Variants in ZNF740 observed in about 807,000 individuals in gnomAD.
ZNF740 encodes the protein oriLyt TD-element-binding protein 7.
Under a neutral mutation model 24.8 loss-of-function variants are expected in ZNF740, and 14 were observed. The ratio of observed to expected loss-of-function variants is 0.56; its 90% CI spans 0.37 to 0.88. The LOEUF is 0.88. Ranked by LOEUF, ZNF740 falls within the 40% of genes least tolerant of loss-of-function variation. The pLI is 0.00. For synonymous variants in ZNF740, 69 were observed against 84.0 expected (o/e 0.82, Z 0.98); for missense variants, 201 against 247.9 (o/e 0.81, Z 1.27).
rs1284395244 is a variant in ZNF740 at position 53,184,924 on chromosome 12, G to T, written c.43G>T (p.Val15Leu). 10 of 1,613,828 alleles carry T rather than the reference G, an allele frequency of 6.2e-6. No individual in the cohort carries two copies. Among genetic ancestry groups the T allele is most frequent in the South Asian group, 1.1e-5 (1 of 91,050 alleles). ...SLLACEGLAG[V>L]SLVPTAASKK... ...CCTGGCTTGTGAAGGCCTAGCAGGT[G>T]TGAGTTTGGTTCCCACTGCAGCCAG... The change falls in exon 3 of 7, where the codon GTG (valine) becomes TTG (leucine). Residue 15 changes from valine (V) to leucine (L), a missense_variant. Val to Leu is a conservative substitution (Grantham distance 32, BLOSUM62 1). Coordinates refer to ENST00000416904, the MANE Select transcript of ZNF740 (RefSeq NM_001004304.4).
In ZNF740 at chr12:53,188,522, CT is replaced by C. The variant is rs1941866976; in HGVS notation, c.*934del. ...TGGAAGTCAAAGTGGGTTCTCTCTC[CT>C]TGTGCCCTCTTAGGAACAACCCAAG... On this transcript the variant is annotated 3_prime_UTR_variant, in exon 7 of 7. Coordinates refer to ENST00000416904, the MANE Select transcript of ZNF740 (RefSeq NM_001004304.4). 6.6e-6 allele frequency: 1 copy of C among 152,618 alleles called. No individual in the cohort carries two copies. Among genetic ancestry groups the C allele is most frequent in the African/African-American group, 2.4e-5 (1 of 41,442 alleles). The allele number at this position is 152,618 out of a possible 1,614,324, so 9.5% of individuals were successfully genotyped here.
Position 53,192,189 on chromosome 12 carries a change from C to A in ZNF740, c.*4599C>A. The A allele has an allele frequency of 8.4e-7, 1 of 1,189,348 alleles. No individual in the cohort carries two copies. The allele number at this position is 1,189,348 out of a possible 1,614,324, so 73.7% of individuals were successfully genotyped here. A position where few individuals can be genotyped will look rare whatever the true frequency, so the allele number is the denominator to read the frequency against. Reference sequence around the variant, plus strand: ...CCAGGGCCTTAGCCTCGTCCACTTGCTCAATTGCCTCTGCCTTTGTCCTGG... The same window carrying A: ...CCAGGGCCTTAGCCTCGTCCACTTGATCAATTGCCTCTGCCTTTGTCCTGG... On this transcript the variant is annotated 3_prime_UTR_variant, in exon 7 of 7. Transcript: ENST00000416904.
intron 2 of ZNF740, among the ~76,000 whole-genome samples, chr12:53,183,478 C>T (rs1048159885): frequency 6.6e-6 from 1 of 152,078 alleles, no homozygotes; most frequent in Non-Finnish European, 1.5e-5. Context: ...TGCTGACCAA[C>T]GATTTCTTAA....
chr12:53,194,119 A>G lies in ZNF740; in HGVS notation c.*6529A>G. Reference sequence around the variant, plus strand: ...TCTCATGTCACTCCCTGTACCTGCCACCCATCTTTTCCTGCCTGCTTAATT... The same window carrying G: ...TCTCATGTCACTCCCTGTACCTGCCGCCCATCTTTTCCTGCCTGCTTAATT... On this transcript the variant is annotated 3_prime_UTR_variant, in exon 7 of 7. Coordinates refer to ENST00000416904, the MANE Select transcript of ZNF740 (RefSeq NM_001004304.4). The G allele has an allele frequency of 6.3e-7, 1 of 1,583,708 alleles. No individual in the cohort carries two copies. Among genetic ancestry groups the G allele is most frequent in the Admixed American group, 1.7e-5 (1 of 59,612 alleles).
In ZNF740 at chr12:53,193,943, C is replaced by T. The variant is rs375614554; in HGVS notation, c.*6353C>T. 4 of 1,549,250 alleles carry T rather than the reference C, an allele frequency of 2.6e-6. No individual in the cohort carries two copies. The highest frequency in any genetic ancestry group is 2.4e-5 in the South Asian group (2 of 84,494). On this transcript the variant is annotated 3_prime_UTR_variant, in exon 7 of 7. Transcript: ENST00000416904. ...ATCAGGCCATGGTTATACACATGCA[C>T]ACACACATACCCCAAACTCACCAAT...
chr12:53,187,473 A>G (rs1941845938), intron 6 of ZNF740, 28 bp from the exon 7 acceptor site: 2 of 1,601,138 alleles, frequency 1.2e-6, no homozygotes, highest in South Asian at 1.1e-5. Context: ...TTGTCTGCTC[A>G]GGCACTTAAC....
chr12:53,182,579 A>T (rs1279457792), intron 2 of ZNF740, among the ~76,000 whole-genome samples: 1 of 152,108 alleles, frequency 6.6e-6, no homozygotes. Context: ...GCTTGGATAG[A>T]AAAAGAAGAT....
chr12:53,184,813 G>T (rs1592387009), intron 2 of ZNF740, 78 bp from the exon 3 acceptor site: 5 of 1,506,842 alleles, frequency 3.3e-6, no homozygotes, highest in Non-Finnish European at 4.5e-6. Context: ...GGTGTAAAAG[G>T]TAGTTCTATA....
At chr12:53,184,150 T>TGTGTGTGTGTGTGTGTGCGCGC (rs59250662) in intron 2 of ZNF740, among the ~76,000 whole-genome samples, 7 of 104,424 alleles carry the variant, frequency 6.7e-5, no homozygotes, top group East Asian at 2.8e-4. Flanking sequence ...TGTGTGTGTG[T>TGTGTGTGTGTGTGTGTGCGCGC]GCGCGCGCGC....
At chr12:53,186,320 C>T in intron 5 of ZNF740, 71 bp from the exon 6 acceptor site, 1 of 1,393,804 alleles carries the variant, frequency 7.2e-7, no homozygotes, top group South Asian at 1.3e-5. Context: ...GTTAAAGTTT[C>T]TGAGAAAACT....
rs1941976811 is a variant in ZNF740, at chr12:53,192,139, G to A, written c.*4549G>A. The A allele has an allele frequency of 2.3e-6, 3 of 1,319,904 alleles. No individual in the cohort carries two copies. Among genetic ancestry groups the A allele is most frequent in the Non-Finnish European group, 3.1e-6 (3 of 967,474 alleles). The allele number at this position is 1,319,904 out of a possible 1,614,324, so 81.8% of individuals were successfully genotyped here. A position where few individuals can be genotyped will look rare whatever the true frequency, so the allele number is the denominator to read the frequency against. ...GTCACTGAAAGCAAAGGGAACCCAG[G>A]GAGGTCCAAGGTTATCCTCACCGCC... On this transcript the variant is annotated 3_prime_UTR_variant, in exon 7 of 7. Transcript: ENST00000416904.
intron 6 of ZNF740, chr12:53,186,806 C>T (rs1159014222): frequency 8.4e-6 from 2 of 239,014 alleles, no homozygotes; most frequent in African/African-American, 4.4e-5. Context: ...CCTAAGGTAG[C>T]TGTATTGTCC....
Position 53,181,835 on chromosome 12 carries a change from A to G in ZNF740, c.-149A>G. On this transcript the variant is annotated 5_prime_UTR_variant, in exon 2 of 7. Coordinates refer to ENST00000416904, the MANE Select transcript of ZNF740 (RefSeq NM_001004304.4). ...TCGGAGGACACTAAGTTCTATTTGA[A>G]GACAAAGTTCAATATGGCAACAGGA... The G allele has an allele frequency of 2.0e-6, 2 of 990,782 alleles. No homozygotes were observed. The highest frequency in any genetic ancestry group is 3.0e-6 in the Non-Finnish European group (2 of 669,290). The allele number at this position is 990,782 out of a possible 1,614,324, so 61.4% of individuals were successfully genotyped here. A position where few individuals can be genotyped will look rare whatever the true frequency, so the allele number is the denominator to read the frequency against.
At chr12:53,182,626 CGA>C (rs1941698806) in intron 2 of ZNF740, among the ~76,000 whole-genome samples, 1 of 151,924 alleles carries the variant, frequency 6.6e-6, no homozygotes, top group African/African-American at 2.4e-5. Flanking sequence ...GCTAAACAAG[CGA>C]GAAGGGTGTT....
At chr12:53,187,409 A>G (rs909107539) in intron 6 of ZNF740, 92 bp from the exon 7 acceptor site, 1 of 1,016,858 alleles carries the variant, frequency 9.8e-7, no homozygotes. Context: ...GGGGATGGAG[A>G]ATGTGGTATC....
In ZNF740 at chr12:53,193,198, C is replaced by T. The variant is rs767827201; in HGVS notation, c.*5608C>T. The T allele has an allele frequency of 6.2e-7, 1 of 1,614,126 alleles. No individual in the cohort carries two copies. Among genetic ancestry groups the T allele is most frequent in the Non-Finnish European group, 8.5e-7 (1 of 1,180,010 alleles). ...TGGCATCGTCACACTCGCACAGATGCCCAGAGCTCTGTCCACTGCAGCTGC... is the reference window on the plus strand; with the variant it reads ...TGGCATCGTCACACTCGCACAGATGTCCAGAGCTCTGTCCACTGCAGCTGC... On this transcript the variant is annotated 3_prime_UTR_variant, in exon 7 of 7. Coordinates refer to ENST00000416904, the MANE Select transcript of ZNF740 (RefSeq NM_001004304.4).
At position 53,193,048 on chromosome 12, in the gene ZNF740, G is replaced by C; in HGVS notation, c.*5458G>C. 7.2e-7 allele frequency: 1 copy of C among 1,391,176 alleles called. No homozygotes were observed. Among genetic ancestry groups the C allele is most frequent in the Non-Finnish European group, 1.0e-6 (1 of 1,003,548 alleles). 86.2% of individuals were successfully genotyped at this position (1,391,176 alleles called of 1,614,324 possible). A position where few individuals can be genotyped will look rare whatever the true frequency, so the allele number is the denominator to read the frequency against. ...TCTAACCCATACACCGGAATCTTTT[G>C]ATATTTGCCTTCCATGCCAGGAGAT... On this transcript the variant is annotated 3_prime_UTR_variant, in exon 7 of 7. Transcript: ENST00000416904.
chr12:53,184,546 G>A (rs1340404441), intron 2 of ZNF740, among the ~76,000 whole-genome samples: 1 of 152,096 alleles, frequency 6.6e-6, no homozygotes, highest in Non-Finnish European at 1.5e-5. Flanking sequence ...TGTGTCAGTG[G>A]GTTAGCAAGA....
At chr12:53,183,696 C>G (rs1941754152) in intron 2 of ZNF740, among the ~76,000 whole-genome samples, 1 of 152,212 alleles carries the variant, frequency 6.6e-6, no homozygotes, top group East Asian at 1.9e-4. Context: ...AAATGCTGAA[C>G]TCCAAAAATC....
Sources: allele counts gnomAD v4.1 joint callset (sites outside exome capture counted in the v4.1 genomes callset), GRCh38; gene constraint gnomAD v4.1.1; transcripts MANE v1.5; gene names NCBI Gene and HGNC (gene_info 2026-07-23, HGNC 2026-07-21).